The following PCDHA4 variants were observed in gnomAD, a reference collection of about 807,000 sequenced individuals.
The protein encoded by PCDHA4 is protocadherin alpha 4.
PCDHA4 carries 49 observed loss-of-function variants against 61.4 expected under a neutral mutation model. The observed-to-expected ratio is 0.80, with a 90% CI of 0.63 to 1.01. The LOEUF (loss-of-function observed/expected upper bound fraction) is 1.01. PCDHA4 is among the 50% of genes least tolerant of loss of function. The probability of loss-of-function intolerance (pLI) is 0.00; values close to 1 mark genes in which losing one functional copy is unlikely to be tolerated. For missense variants in PCDHA4, 1,254 were observed against 1,235.8 expected (o/e 1.01, Z -0.22); for synonymous variants, 590 against 550.3 (o/e 1.07, Z -1.01).
intron 1 of PCDHA4, chr5:140,857,508 C>A: frequency 6.3e-7 from 1 of 1,598,226 alleles, no homozygotes; most frequent in African/African-American, 1.3e-5. Flanking sequence ...CAGGAGAACG[C>A]CCTGGTGTCC....
intron 1 of PCDHA4, chr5:140,849,308 A>C (rs1224094157): frequency 7.7e-7 from 1 of 1,299,604 alleles, no homozygotes; most frequent in Admixed American, 2.3e-5. Flanking sequence ...ATTTAGACGA[A>C]GGCTTGAATG....
chr5:140,866,156 GAA>G (rs1441624325), intron 1 of PCDHA4: 1 of 152,104 alleles, frequency 6.6e-6, no homozygotes, highest in Admixed American at 6.5e-5. Flanking sequence ...ATATAAGTAA[GAA>G]TCGTTTAACA....
At chr5:140,815,627 A>G (rs1281613717) in intron 1 of PCDHA4, 1 of 152,138 alleles carries the variant, frequency 6.6e-6, no homozygotes, top group East Asian at 1.9e-4. Context: ...CCATTACAGT[A>G]TTATAGTATT....
At chr5:140,987,211 C>A (rs1190567678) in intron 3 of PCDHA4, among the ~76,000 whole-genome samples, 1 of 145,070 alleles carries the variant, frequency 6.9e-6, no homozygotes, top group South Asian at 2.1e-4. Flanking sequence ...GAGACTCCAT[C>A]TCAAAAAAAA....
At chr5:140,983,299 A>T (rs1554245269) in intron 3 of PCDHA4, among the ~76,000 whole-genome samples, 1 of 152,186 alleles carries the variant, frequency 6.6e-6, no homozygotes. Flanking sequence ...GCTTAAACTC[A>T]CATTTGCTTG....
chr5:140,977,383 G>A (rs2096759264), intron 1 of PCDHA4, among the ~76,000 whole-genome samples: 1 of 152,134 alleles, frequency 6.6e-6, no homozygotes, highest in Non-Finnish European at 1.5e-5. Context: ...ATATTTCCAG[G>A]TTTATAAAAT....
rs183844925 is a variant in PCDHA4, at chr5:140,839,263, T to C, written c.2385+29691T>C. Among the ~76,000 whole-genome samples the C allele has an allele frequency of 3.7e-4, 56 of 152,234 alleles. 2 individuals carry two copies. Among genetic ancestry groups the C allele is most frequent in the African/African-American group, 1.3e-3 (52 of 41,512 alleles). On this transcript the variant is annotated intron_variant, in intron 1 of 3. Transcript: ENST00000530339. ...CTTTGCTTTTATGCTTACATGCATG[T>C]ATATTTAAAACCTTCCTAGCATATT...
rs183812467 is a variant in PCDHA4, at chr5:140,921,187, A to G, written c.2386-57762A>G. Among the ~76,000 whole-genome samples the G allele has an allele frequency of 1.1e-3, 174 of 152,102 alleles. 2 individuals carry two copies. Among genetic ancestry groups the G allele is most frequent in the Non-Finnish European group, 2.1e-4 (14 of 68,012 alleles). ...AACACACATAAAGCACAGTTTTTTC[A>G]CAATAGATTGACAACGATAATTCAC... On this transcript the variant is annotated intron_variant, in intron 1 of 3. Transcript: ENST00000530339.
rs2093245729 is a variant in PCDHA4 at position 140,942,201 on chromosome 5, G to A, written c.2386-36748G>A. Among the ~76,000 whole-genome samples, 3 of 151,938 alleles carry A rather than the reference G, an allele frequency of 2.0e-5. No individual in the cohort carries two copies. The South Asian group carries it at 6.2e-4, about 32-fold the overall frequency. On this transcript the variant is annotated intron_variant, in intron 1 of 3. Coordinates refer to ENST00000530339, the MANE Select transcript of PCDHA4 (RefSeq NM_018907.4). Reference sequence around the variant, plus strand: ...GACATTTTATTTAAAATACATTTTTGAGCATAAGATATTTAAAATGTGTAG... The same window carrying A: ...GACATTTTATTTAAAATACATTTTTAAGCATAAGATATTTAAAATGTGTAG...
chr5:140,836,096 T>C (rs2150252750), intron 1 of PCDHA4: 1 of 1,613,590 alleles, frequency 6.2e-7, no homozygotes, highest in Non-Finnish European at 8.5e-7. Flanking sequence ...CTCGGGTGGG[T>C]GGCACTGGTG....
intron 1 of PCDHA4, chr5:140,856,936 A>C: frequency 6.3e-7 from 1 of 1,594,202 alleles, no homozygotes. Flanking sequence ...GGATAAACGA[A>C]AGGACGGGAG....
At chr5:140,883,066 C>G in intron 1 of PCDHA4, 1 of 1,614,070 alleles carries the variant, frequency 6.2e-7, no homozygotes. Flanking sequence ...AGCTAAATGC[C>G]ACAGATCCTG....
chr5:140,903,049 A>G (rs2069961526), intron 1 of PCDHA4, among the ~76,000 whole-genome samples: 1 of 152,080 alleles, frequency 6.6e-6, no homozygotes, highest in Non-Finnish European at 1.5e-5. Flanking sequence ...TTTTCATGTA[A>G]TGACTTCTTT....
At position 140,854,641 on chromosome 5, in the gene PCDHA4, C is replaced by T. The variant is rs1258483318; in HGVS notation, c.2385+45069C>T. The T allele has an allele frequency of 1.3e-5, 2 of 149,894 alleles. 1 individual carries two copies. Among genetic ancestry groups the T allele is most frequent in the Non-Finnish European group, 3.0e-5 (2 of 67,066 alleles). The allele number at this position is 149,894 out of a possible 1,614,324, so 9.3% of individuals were successfully genotyped here. A position where few individuals can be genotyped will look rare whatever the true frequency, so the allele number is the denominator to read the frequency against. ...ATATTCTTTAGAAAAGTCAAAACAT[C>T]ATTAAATAAAATAAATTAACCCTTG... is the stretch of plus-strand genomic sequence containing the variant. On this transcript the variant is annotated intron_variant, in intron 1 of 3. Transcript: ENST00000530339.
chr5:140,883,259 G>A (rs573584031), intron 1 of PCDHA4: 1 of 1,614,000 alleles, frequency 6.2e-7, no homozygotes, highest in East Asian at 2.2e-5. Flanking sequence ...TATTCCAATG[G>A]CGGGTCATTG....
In PCDHA4 at chr5:140,839,923, A is replaced by G. The variant is rs2150301855; in HGVS notation, c.2385+30351A>G. ...TGAAGTAATAGAAGAAAAACCTTGAACAAAGAGTGTGCCAAGAAGGAGACA... is the reference window on the plus strand; with the variant it reads ...TGAAGTAATAGAAGAAAAACCTTGAGCAAAGAGTGTGCCAAGAAGGAGACA... On this transcript the variant is annotated intron_variant, in intron 1 of 3. Transcript: ENST00000530339. Among the ~76,000 whole-genome samples the G allele has an allele frequency of 3.2e-4, 49 of 152,178 alleles. No individual in the cohort carries two copies. In the South Asian group the frequency reaches 8.1e-3, roughly 25 times the overall value.
chr5:140,817,526 C>A (rs1004627140), intron 1 of PCDHA4: 2 of 152,276 alleles, frequency 1.3e-5, no homozygotes, highest in East Asian at 3.9e-4. Context: ...TTGATTTCCT[C>A]TTTTGTTGAT....
At chr5:140,920,960 A>C (rs1554200006) in intron 1 of PCDHA4, among the ~76,000 whole-genome samples, 1 of 151,930 alleles carries the variant, frequency 6.6e-6, no homozygotes, top group Admixed American at 6.6e-5. Flanking sequence ...CTACACATGT[A>C]GTACTAGAGT....
Position 140,978,948 on chromosome 5 carries a change from G to A in PCDHA4, c.2386-1G>A, listed in dbSNP as rs1554239939. On this transcript the variant is annotated splice_acceptor_variant, in intron 1 of 3. Transcript: ENST00000530339. LOFTEE classifies it high-confidence loss of function. ...AGAAAACTCTCTTTGTGATTTTGCA[G>A]CCACGACAGCCCAACCCTGACTGGC... is the stretch of plus-strand genomic sequence containing the variant. 1 of 1,614,128 alleles carries A rather than the reference G, an allele frequency of 6.2e-7. No individual in the cohort carries two copies. The highest frequency in any genetic ancestry group is 8.5e-7 in the Non-Finnish European group (1 of 1,180,018).
Sources: allele counts gnomAD v4.1 joint callset (sites outside exome capture counted in the v4.1 genomes callset), GRCh38; gene constraint gnomAD v4.1.1; transcripts MANE v1.5; gene names NCBI Gene and HGNC (gene_info 2026-07-23, HGNC 2026-07-21).